The following OXR1 variants were observed in gnomAD, a reference collection of about 807,000 sequenced individuals.
OXR1 encodes oxidation resistance 1.
In OXR1, 41 loss-of-function variants were observed where a neutral mutation model predicts 104.6. That is an observed-to-expected ratio of 0.39 (90% CI 0.31 to 0.51). OXR1 has a LOEUF of 0.51. Among genes scored for constraint, OXR1 ranks in the 20% least tolerant of loss-of-function variants. The pLI is 0.77. For missense variants in OXR1, 955 were observed against 1,031.9 expected (o/e 0.93, Z 1.02); for synonymous variants, 348 against 348.4 (o/e 1.00, Z 0.01).
intron 3 of OXR1, among the ~76,000 whole-genome samples, chr8:106,672,425 T>A (rs562021001): frequency 3.6e-4 from 54 of 151,368 alleles, no homozygotes; most frequent in Non-Finnish European, 6.9e-4. Flanking sequence ...AGGTTGGGGT[T>A]GCAGTGAGCC....
intron 3 of OXR1, among the ~76,000 whole-genome samples, chr8:106,611,337 G>A (rs1820796531): frequency 6.6e-6 from 1 of 152,218 alleles, no homozygotes; most frequent in Non-Finnish European, 1.5e-5. Context: ...AGCAAGATGT[G>A]TTGGTGGAAA....
intron 1 of OXR1, among the ~76,000 whole-genome samples, chr8:106,284,254 C>T (rs546188727): frequency 6.6e-6 from 1 of 152,034 alleles, no homozygotes; most frequent in South Asian, 2.1e-4. Context: ...GAGGGGCTGC[C>T]TAGTTTGAAG....
chr8:106,455,668 A>C (rs924174326), intron 2 of OXR1, among the ~76,000 whole-genome samples: 3 of 152,140 alleles, frequency 2.0e-5, no homozygotes, highest in African/African-American at 4.8e-5. Context: ...TTGTCAGTCC[A>C]ATCAGTCACC....
intron 3 of OXR1, among the ~76,000 whole-genome samples, chr8:106,539,352 C>T (rs570034237): frequency 2.8e-4 from 43 of 152,142 alleles, no homozygotes; most frequent in Non-Finnish European, 1.0e-4. Context: ...ATGCCCGTTC[C>T]ATATTGTCAA....
At chr8:106,408,901 G>A (rs1008789689) in intron 2 of OXR1, among the ~76,000 whole-genome samples, 21 of 152,086 alleles carry the variant, frequency 1.4e-4, no homozygotes, top group African/African-American at 4.8e-4. Flanking sequence ...ACAACCTGTA[G>A]GTAATTAACA....
chr8:106,537,609 G>A (rs1814638272), intron 3 of OXR1, among the ~76,000 whole-genome samples: 1 of 152,082 alleles, frequency 6.6e-6, no homozygotes, highest in African/African-American at 2.4e-5. Flanking sequence ...TGCAGCAAAC[G>A]AACATGGCAC....
At chr8:106,494,346 G>A (rs1305642532) in intron 2 of OXR1, among the ~76,000 whole-genome samples, 3 of 152,086 alleles carry the variant, frequency 2.0e-5, no homozygotes, top group Non-Finnish European at 2.9e-5. Context: ...TGATTATATT[G>A]TGTGTGGTCT....
chr8:106,678,875 A>G (rs1235117466), intron 3 of OXR1, among the ~76,000 whole-genome samples: 1 of 152,068 alleles, frequency 6.6e-6, no homozygotes, highest in Non-Finnish European at 1.5e-5. Context: ...AAAATATATA[A>G]TGTATCTTAA....
chr8:106,556,464 T>C (rs948991746), intron 3 of OXR1, among the ~76,000 whole-genome samples: 2 of 152,156 alleles, frequency 1.3e-5, no homozygotes, highest in African/African-American at 4.8e-5. Context: ...CATGTAAACA[T>C]CAAGAAGTAG....
At chr8:106,292,720 G>GAT in intron 1 of OXR1, among the ~76,000 whole-genome samples, 1 of 152,186 alleles carries the variant, frequency 6.6e-6, no homozygotes. Flanking sequence ...CATGAAGATT[G>GAT]ACCTGAGAGT....
chr8:106,446,342 G>T (rs1039701841), intron 2 of OXR1, among the ~76,000 whole-genome samples: 1 of 152,118 alleles, frequency 6.6e-6, no homozygotes, highest in Non-Finnish European at 1.5e-5. Flanking sequence ...TTTTGAGGCC[G>T]GGTGCCGTGG....
At chr8:106,583,016 A>C (rs1363656627) in intron 3 of OXR1, among the ~76,000 whole-genome samples, 1 of 152,162 alleles carries the variant, frequency 6.6e-6, no homozygotes, top group African/African-American at 2.4e-5. Context: ...TGCTATTTTA[A>C]ACTTATTCCT....
At chr8:106,574,744 T>G (rs1817707913) in intron 3 of OXR1, among the ~76,000 whole-genome samples, 1 of 152,226 alleles carries the variant, frequency 6.6e-6, no homozygotes, top group Admixed American at 6.5e-5. Flanking sequence ...GGAAAGAACA[T>G]AAGATTCTTA....
chr8:106,476,215 G>A (rs1020300042), intron 2 of OXR1, among the ~76,000 whole-genome samples: 3 of 151,868 alleles, frequency 2.0e-5, no homozygotes, highest in Non-Finnish European at 4.4e-5. Flanking sequence ...GTGTTTGGGA[G>A]CAAGTAGAGC....
At chr8:106,274,389 T>C (rs968777121) in intron 1 of OXR1, among the ~76,000 whole-genome samples, 1 of 152,242 alleles carries the variant, frequency 6.6e-6, no homozygotes, top group Non-Finnish European at 1.5e-5. Context: ...TTGGTCGTTG[T>C]ATCTACCCCC....
chr8:106,337,851 C>T (rs957894102), intron 1 of OXR1, among the ~76,000 whole-genome samples: 2 of 152,128 alleles, frequency 1.3e-5, no homozygotes, highest in African/African-American at 4.8e-5. Context: ...ACTATCAGGA[C>T]AATTTTTATT....
intron 3 of OXR1, chr8:106,658,125 G>T (rs943102719): frequency 1.6e-6 from 2 of 1,246,874 alleles, no homozygotes; most frequent in African/African-American, 1.5e-5. Context: ...AGCCCAGGGG[G>T]ACCTCGGGTG....
chr8:106,658,397 A>AGCTCTTCCTGCTCT (rs1350440306), intron 3 of OXR1, among the ~76,000 whole-genome samples: 14 of 152,128 alleles, frequency 9.2e-5, no homozygotes, highest in East Asian at 1.9e-4. Flanking sequence ...GCTGCGTGCC[A>AGCTCTTCCTGCTCT]GCTCTTCCTG....
intron 3 of OXR1, among the ~76,000 whole-genome samples, chr8:106,638,893 CAA>C (rs34153559): frequency 8.4e-5 from 8 of 94,848 alleles, no homozygotes; most frequent in Admixed American, 1.1e-4. Context: ...GACTCCATTT[CAA>C]AAAAAAAAAA....
Sources: gnomAD v4.1 joint callset for allele counts (sites outside exome capture counted in the v4.1 genomes callset) on GRCh38, gnomAD v4.1.1 for gene constraint, MANE v1.5 for transcripts, NCBI Gene and HGNC (gene_info 2026-07-23, HGNC 2026-07-21) for gene names.